SYNE1: variants seen among roughly 807,000 people sequenced by gnomAD.
SYNE1 encodes the protein spectrin repeat containing nuclear envelope protein 1.
Under a neutral mutation model 1,111.0 loss-of-function variants are expected in SYNE1, and 616 were observed. The observed-to-expected ratio is 0.55, with a 90% CI of 0.52 to 0.59. SYNE1 has a LOEUF of 0.59. SYNE1 is among the 20% of genes least tolerant of loss of function. SYNE1 has a pLI of 0.00. For missense variants in SYNE1, 10,006 were observed against 10,417.0 expected, an observed-to-expected ratio of 0.96 and a Z score of 1.72; for synonymous variants, 3,855 against 3,825.8, an observed-to-expected ratio of 1.01 and a Z score of -0.28.
chr6:152,343,358 C>T (rs559233608), intron 74 of SYNE1, among the ~76,000 whole-genome samples: 1 of 151,676 alleles, frequency 6.6e-6, no homozygotes, highest in African/African-American at 2.4e-5. Context: ...GAGGTTTCAC[C>T]ATGTTGGCCA....
rs755101379 is a variant in SYNE1, at chr6:152,430,534, G to A, written c.4637C>T (p.Thr1546Ile). The change falls in exon 35 of 146, where the codon ACA (threonine) becomes ATA (isoleucine). Residue 1546 changes from threonine (T) to isoleucine (I), a missense_variant. Physicochemically the swap from Thr to Ile is moderately conservative, Grantham distance 89. Coordinates refer to ENST00000367255, the MANE Select transcript of SYNE1 (RefSeq NM_182961.4). ...LREHAQCLEG[T>I]ILGHLSQQQK... ...CTGCTGAGATAAATGTCCCAGGATT[G>A]TTCCTTCCAGACACTGTGCATGCTC... 6.2e-7 allele frequency: 1 copy of A among 1,614,120 alleles called. No homozygotes were observed. Among genetic ancestry groups the A allele is most frequent in the Non-Finnish European group, 8.5e-7 (1 of 1,179,980 alleles).
At chr6:152,493,102 A>G (rs1010369024) in intron 11 of SYNE1, among the ~76,000 whole-genome samples, 1 of 152,016 alleles carries the variant, frequency 6.6e-6, no homozygotes. Context: ...CTGAACCCAC[A>G]AGTATGAGAC....
In SYNE1 at chr6:152,362,200, C is replaced by T; in HGVS notation, c.10269G>A (p.Arg3423=). ...NESERQHAEL[R]DKTTMLGKAK... Reference sequence around the variant, plus strand: ...CTTTTCCGAGCATCGTTGTTTTATCCCGCAGCTCCGCATGCTGCCTTTCTG... The same window carrying T: ...CTTTTCCGAGCATCGTTGTTTTATCTCGCAGCTCCGCATGCTGCCTTTCTG... The change falls in exon 64 of 146, where the codon CGG becomes CGA. Residue 3423 remains arginine, a synonymous_variant. Transcript: ENST00000367255. 1 of 1,614,192 alleles carries T rather than the reference C, an allele frequency of 6.2e-7. No individual in the cohort carries two copies. The highest frequency in any genetic ancestry group is 1.6e-4 in the Middle Eastern group (1 of 6,062).
At chr6:152,519,444 G>T (rs1038164540) in intron 6 of SYNE1, among the ~76,000 whole-genome samples, 1 of 152,146 alleles carries the variant, frequency 6.6e-6, no homozygotes, top group Non-Finnish European at 1.5e-5. Flanking sequence ...GCTCTTAGCG[G>T]TCAAAGCTAG....
In SYNE1 at chr6:152,312,042, C is replaced by T. The variant is rs185529587; in HGVS notation, c.16711-1169G>A. Among the ~76,000 whole-genome samples, 389 of 152,236 alleles carry T rather than the reference C, an allele frequency of 2.6e-3. 6 individuals are homozygous for T. Among genetic ancestry groups the T allele is most frequent in the Admixed American group, 0.021 (321 of 15,290 alleles). On this transcript the variant is annotated intron_variant, in intron 87 of 145. Coordinates refer to ENST00000367255, the MANE Select transcript of SYNE1 (RefSeq NM_182961.4). ...CTCGTGATCCGCAGGCCTTGGCCTC[C>T]CAAAATGCTGGGATTACAGGCGTGA...
At chr6:152,416,254 C>A in intron 41 of SYNE1, 133 bp downstream of exon 41, 9 of 1,283,596 alleles carry the variant, frequency 7.0e-6, no homozygotes, top group Non-Finnish European at 1.0e-5. Flanking sequence ...TAATTTCTTT[C>A]TTTTGGCAGA....
At chr6:152,433,138 T>C (rs2154210154) in intron 34 of SYNE1, among the ~76,000 whole-genome samples, 1 of 149,006 alleles carries the variant, frequency 6.7e-6, no homozygotes, top group Non-Finnish European at 1.5e-5. Context: ...TTTGAAAATG[T>C]GTGGTATAAA....
chr6:152,276,027 CTTCT>C (rs1347664851), intron 98 of SYNE1, among the ~76,000 whole-genome samples: 4 of 129,058 alleles, frequency 3.1e-5, no homozygotes, highest in African/African-American at 9.0e-5. Context: ...AAATTCTCGA[CTTCT>C]TTTTTTTTTT....
intron 31 of SYNE1, among the ~76,000 whole-genome samples, 188 bp from the exon 32 acceptor site, chr6:152,441,458 A>T (rs966366629): frequency 1.3e-5 from 2 of 152,206 alleles, no homozygotes; most frequent in African/African-American, 4.8e-5. Flanking sequence ...GTTTTCATCT[A>T]CAAAAAGAGA....
At chr6:152,285,550 C>A (rs1288664856) in intron 95 of SYNE1, among the ~76,000 whole-genome samples, 1 of 152,154 alleles carries the variant, frequency 6.6e-6, no homozygotes, top group Non-Finnish European at 1.5e-5. Flanking sequence ...GTGCCACACT[C>A]CCTTCTTGCT....
chr6:152,623,212 T>G (rs1424058144), intron 3 of SYNE1, among the ~76,000 whole-genome samples: 2 of 152,104 alleles, frequency 1.3e-5, no homozygotes, highest in Non-Finnish European at 2.9e-5. Context: ...AACAAACATC[T>G]GATCTTTGAC....
At chr6:152,312,293 T>C (rs960358587) in intron 87 of SYNE1, among the ~76,000 whole-genome samples, 5 of 149,916 alleles carry the variant, frequency 3.3e-5, no homozygotes, top group African/African-American at 1.2e-4. Flanking sequence ...CACTGCAACC[T>C]GCATCTCCTG....
In SYNE1 at chr6:152,256,675, GC is replaced by G; in HGVS notation, c.19062del (p.Leu6354PhefsTer5). 2 of 1,613,950 alleles carry G rather than the reference GC, an allele frequency of 1.2e-6. No individual in the cohort carries two copies. The highest frequency in any genetic ancestry group is 1.7e-6 in the Non-Finnish European group (2 of 1,179,904). ...PTQDKSAVTS[L>X]LDGLNQAFEE... is the part of the protein sequence containing the mutation. Reference sequence around the variant, plus strand: ...TCGAAGGCTTGGTTCAGTCCATCCAGCAAAGATGTAACTGCAGATTTATCTT... The same window carrying G: ...TCGAAGGCTTGGTTCAGTCCATCCAGAAAGATGTAACTGCAGATTTATCTT... On this transcript the variant is annotated frameshift_variant, in exon 102 of 146. Transcript: ENST00000367255. LOFTEE classifies it high-confidence loss of function.
intron 138 of SYNE1, among the ~76,000 whole-genome samples, chr6:152,142,124 C>T (rs1282933379): frequency 6.6e-6 from 1 of 151,934 alleles, no homozygotes; most frequent in African/African-American, 2.4e-5. Flanking sequence ...GCCTTTTAAA[C>T]AGGTGATACA....
chr6:152,196,258 T>C (rs1008794131), intron 127 of SYNE1, among the ~76,000 whole-genome samples: 8 of 152,132 alleles, frequency 5.3e-5, no homozygotes, highest in Non-Finnish European at 1.2e-4. Context: ...GGAGCCTCTT[T>C]GGTGCTCTTT....
Position 152,409,136 on chromosome 6 carries a change from T to C in SYNE1, c.6472A>G (p.Lys2158Glu), listed in dbSNP as rs2097960685. 1 of 1,614,038 alleles carries C rather than the reference T, an allele frequency of 6.2e-7. No homozygotes were observed. The highest frequency in any genetic ancestry group is 8.5e-7 in the Non-Finnish European group (1 of 1,179,994). The change falls in exon 44 of 146, where the codon AAA (lysine) becomes GAA (glutamate). Residue 2158 changes from lysine (K) to glutamate (E), a missense_variant. This residue lies in a region of SYNE1 where 4,955 missense variants were observed against 5,017.2 expected (regional missense o/e 0.99). Coordinates refer to ENST00000367255, the MANE Select transcript of SYNE1 (RefSeq NM_182961.4). ...AAGCTGAAATCACTACTGTGAATTTTCTTCAGCTCAGATAACAAGTGTTTT... is the reference window on the plus strand; with the variant it reads ...AAGCTGAAATCACTACTGTGAATTTCCTTCAGCTCAGATAACAAGTGTTTT... ...KGKHLLSELK[K>E]IHSSDFSLVK...
At chr6:152,249,067 G>A (rs2088316855) in intron 105 of SYNE1, 94 bp downstream of exon 105, 1 of 887,566 alleles carries the variant, frequency 1.1e-6, no homozygotes, top group South Asian at 1.4e-5. Flanking sequence ...GTGCCACTGT[G>A]AGCCATTAAT....
At chr6:152,468,201 T>C (rs2098782774) in intron 16 of SYNE1, among the ~76,000 whole-genome samples, 1 of 152,160 alleles carries the variant, frequency 6.6e-6, no homozygotes, top group Non-Finnish European at 1.5e-5. Context: ...AGCTCATCAA[T>C]TTCACTTGAA....
At chr6:152,523,198 A>G (rs994799084) in intron 5 of SYNE1, among the ~76,000 whole-genome samples, 1 of 151,882 alleles carries the variant, frequency 6.6e-6, no homozygotes, top group Admixed American at 6.6e-5. Context: ...TCTTAGATTT[A>G]AGTATTTGAG....
Sources: gnomAD v4.1 joint callset for allele counts (sites outside exome capture counted in the v4.1 genomes callset) on GRCh38, gnomAD v4.1.1 for gene constraint, gnomAD v4.1.1 regional missense constraint, MANE v1.5 for transcripts, NCBI Gene and HGNC (gene_info 2026-07-23, HGNC 2026-07-21) for gene names.